FNBP1L: variants seen among roughly 807,000 people sequenced by gnomAD.
FNBP1L encodes the protein formin binding protein 1 like, also known as formin-binding protein 1-like.
Under a neutral mutation model 91.2 loss-of-function variants are expected in FNBP1L, and 36 were observed. The observed-to-expected ratio is 0.39, with a 90% CI of 0.30 to 0.52. The LOEUF (loss-of-function observed/expected upper bound fraction) is 0.52, where lower values mean the gene tolerates loss of function less well. FNBP1L is among the 20% of genes least tolerant of loss of function. The probability of loss-of-function intolerance (pLI) is 0.66; values close to 1 mark genes in which losing one functional copy is unlikely to be tolerated. For synonymous variants in FNBP1L, 242 were observed against 237.0 expected, an observed-to-expected ratio of 1.02 and a Z score of -0.19; for missense variants, 571 against 732.1, an observed-to-expected ratio of 0.78 and a Z score of 2.54.
At chr1:93,513,475 A>T (rs943718677) in intron 2 of FNBP1L, among the ~76,000 whole-genome samples, 13 of 152,218 alleles carry the variant, frequency 8.5e-5, no homozygotes, top group East Asian at 5.8e-4. Flanking sequence ...AGAAAAGAGA[A>T]TTTTAGACCA....
At chr1:93,542,685 C>T (rs538788205) in intron 11 of FNBP1L, among the ~76,000 whole-genome samples, 1 of 151,758 alleles carries the variant, frequency 6.6e-6, no homozygotes, top group African/African-American at 2.4e-5. Context: ...GCATAAGTGG[C>T]CCAAAGAGCA....
At chr1:93,541,310 G>A (rs1042931069) in intron 11 of FNBP1L, among the ~76,000 whole-genome samples, 2 of 152,098 alleles carry the variant, frequency 1.3e-5, no homozygotes, top group Non-Finnish European at 2.9e-5. Context: ...ACAGAGGAGC[G>A]TAAAATTGTG....
intron 1 of FNBP1L, among the ~76,000 whole-genome samples, chr1:93,450,698 T>G (rs1294814693): frequency 6.6e-6 from 1 of 152,238 alleles, no homozygotes; most frequent in Non-Finnish European, 1.5e-5. Flanking sequence ...TAGAAACCAG[T>G]TCTCCTATTA....
intron 1 of FNBP1L, among the ~76,000 whole-genome samples, chr1:93,476,435 T>C (rs927900375): frequency 6.6e-6 from 1 of 152,224 alleles, no homozygotes; most frequent in African/African-American, 2.4e-5. Flanking sequence ...GTGGCAGTTA[T>C]TATTATTCAT....
At chr1:93,510,997 A>T (rs902130877) in intron 2 of FNBP1L, among the ~76,000 whole-genome samples, 1 of 152,238 alleles carries the variant, frequency 6.6e-6, no homozygotes, top group African/African-American at 2.4e-5. Context: ...CCTGAAAGTG[A>T]CGGGGAGAAT....
At chr1:93,466,121 A>T (rs1041638139) in intron 1 of FNBP1L, among the ~76,000 whole-genome samples, 2 of 151,974 alleles carry the variant, frequency 1.3e-5, no homozygotes, top group Non-Finnish European at 2.9e-5. Context: ...AGATGAGTAG[A>T]TTGCAAAAAT....
intron 1 of FNBP1L, among the ~76,000 whole-genome samples, chr1:93,474,100 C>T (rs941110632): frequency 2.0e-5 from 3 of 151,976 alleles, no homozygotes; most frequent in Non-Finnish European, 4.4e-5. Flanking sequence ...CAAAAATTAG[C>T]GGGTGTGGTG....
Position 93,484,089 on chromosome 1 carries a change from C to T in FNBP1L, c.25-15379C>T, listed in dbSNP as rs142788014. On this transcript the variant is annotated intron_variant, in intron 1 of 16. Transcript: ENST00000271234. ...GACTACAGGCGTGCGCCACCATGCC[C>T]GGCTAATTTTTGTATTTTTAGTAGA... is the stretch of plus-strand genomic sequence containing the variant. 1.8e-4 allele frequency among the ~76,000 whole-genome samples: 27 copies of T among 152,186 alleles called. 1 individual carries two copies. In the East Asian group the frequency reaches 4.1e-3, roughly 23 times the overall value.
chr1:93,549,245 A>G (rs1479301847), intron 14 of FNBP1L, 33 bp from the exon 15 acceptor site: 3 of 1,555,732 alleles, frequency 1.9e-6, no homozygotes, highest in Non-Finnish European at 2.6e-6. Flanking sequence ...CATGTTTATG[A>G]TACTTGATCA....
Position 93,554,316 on chromosome 1 carries a change from G to A in FNBP1L, c.*1900G>A, listed in dbSNP as rs1362150551. On this transcript the variant is annotated 3_prime_UTR_variant, in exon 17 of 17. Coordinates refer to ENST00000271234, the MANE Select transcript of FNBP1L (RefSeq NM_001164473.3). Reference sequence around the variant, plus strand: ...TATGGTTTTTTGGCTAACAGCCACAGAGGGCAAAGTTTAAGACTTTCTTGT... The same window carrying A: ...TATGGTTTTTTGGCTAACAGCCACAAAGGGCAAAGTTTAAGACTTTCTTGT... 1 of 152,656 alleles carries A rather than the reference G, an allele frequency of 6.6e-6. No individual in the cohort carries two copies. Among genetic ancestry groups the A allele is most frequent in the African/African-American group, 2.4e-5 (1 of 41,456 alleles). 9.5% of individuals were successfully genotyped at this position (152,656 alleles called of 1,614,324 possible).
chr1:93,482,431 A>G (rs1669741516), intron 1 of FNBP1L, among the ~76,000 whole-genome samples: 1 of 151,724 alleles, frequency 6.6e-6, no homozygotes, highest in Non-Finnish European at 1.5e-5. Flanking sequence ...TTTTCTTTAA[A>G]TTTTTTTATA....
chr1:93,502,477 G>T (rs1670468796), intron 2 of FNBP1L, among the ~76,000 whole-genome samples: 1 of 152,134 alleles, frequency 6.6e-6, no homozygotes, highest in South Asian at 2.1e-4. Flanking sequence ...TTTTGAGATG[G>T]CCAGGGTTTT....
At chr1:93,545,399 T>C (rs975447100) in intron 12 of FNBP1L, among the ~76,000 whole-genome samples, 24 of 152,102 alleles carry the variant, frequency 1.6e-4, no homozygotes, top group African/African-American at 5.6e-4. Flanking sequence ...TTCCCAGATA[T>C]CTCCATGTCC....
At chr1:93,483,011 C>T (rs973511678) in intron 1 of FNBP1L, among the ~76,000 whole-genome samples, 1 of 146,982 alleles carries the variant, frequency 6.8e-6, no homozygotes, top group African/African-American at 2.5e-5. Context: ...GAGCAAGACT[C>T]CGTCTAAAAA....
chr1:93,460,690 A>G (rs1668831236), intron 1 of FNBP1L, among the ~76,000 whole-genome samples: 1 of 152,238 alleles, frequency 6.6e-6, no homozygotes, highest in Admixed American at 6.5e-5. Flanking sequence ...AGAAAGACAA[A>G]TATCACATAA....
Position 93,554,642 on chromosome 1 carries a change from A to G in FNBP1L, c.*2226A>G, listed in dbSNP as rs1376643790. 6.6e-6 allele frequency: 1 copy of G among 152,526 alleles called. No homozygotes were observed. Among genetic ancestry groups the G allele is most frequent in the East Asian group, 1.9e-4 (1 of 5,196 alleles). The allele number at this position is 152,526 out of a possible 1,614,324, so 9.4% of individuals were successfully genotyped here. On this transcript the variant is annotated 3_prime_UTR_variant, in exon 17 of 17. Coordinates refer to ENST00000271234, the MANE Select transcript of FNBP1L (RefSeq NM_001164473.3). ...GAGAATATTTACATGGAATAAAACA[A>G]TCTTTTCATGGCCTGTTAAGGTGTT...
intron 1 of FNBP1L, among the ~76,000 whole-genome samples, chr1:93,455,103 T>C (rs1382604861): frequency 6.6e-6 from 1 of 152,166 alleles, no homozygotes; most frequent in African/African-American, 2.4e-5. Context: ...TAATTTTTTG[T>C]ATTTTTAGTA....
At chr1:93,475,464 G>C (rs1160809283) in intron 1 of FNBP1L, among the ~76,000 whole-genome samples, 1 of 152,092 alleles carries the variant, frequency 6.6e-6, no homozygotes, top group African/African-American at 2.4e-5. Context: ...ACTTGAGCCT[G>C]GGAGGTCGAG....
At chr1:93,536,840 T>C (rs1400838642) in intron 10 of FNBP1L, among the ~76,000 whole-genome samples, 1 of 152,094 alleles carries the variant, frequency 6.6e-6, no homozygotes, top group African/African-American at 2.4e-5. Context: ...TTGTCACCAA[T>C]GCTGACTTCA....
Sources: allele counts gnomAD v4.1 joint callset (sites outside exome capture counted in the v4.1 genomes callset), GRCh38; gene constraint gnomAD v4.1.1; transcripts MANE v1.5; gene names NCBI Gene and HGNC (gene_info 2026-07-23, HGNC 2026-07-21).